RTTN: variants seen among roughly 807,000 people sequenced by gnomAD.
RTTN encodes rotatin.
A neutral mutation model predicts 269.2 loss-of-function variants in RTTN; 182 were observed. The observed-to-expected ratio is 0.68, with a 90% CI of 0.60 to 0.76. The LOEUF is 0.76. Ranked by LOEUF, RTTN falls within the 30% of genes least tolerant of loss-of-function variation. The pLI, the probability that RTTN is intolerant of heterozygous loss-of-function variation, is 0.00. For synonymous variants in RTTN, 1,006 were observed against 963.5 expected, an observed-to-expected ratio of 1.04 and a Z score of -0.82; for missense variants, 2,545 against 2,608.6, an observed-to-expected ratio of 0.98 and a Z score of 0.53.
intron 12 of RTTN, 43 bp from the exon 13 acceptor site, chr18:70,167,074 T>A (rs781243322): frequency 3.1e-6 from 4 of 1,280,714 alleles, no homozygotes; most frequent in South Asian, 1.2e-5. Flanking sequence ...CAAGTTCATG[T>A]GCAATGATAT....
At chr18:70,022,493 G>A (rs369731414) in intron 44 of RTTN, among the ~76,000 whole-genome samples, 5 of 151,958 alleles carry the variant, frequency 3.3e-5, no homozygotes, top group African/African-American at 9.7e-5. Context: ...CTTTAAAAAC[G>A]AGCAAAAACT....
intron 47 of RTTN, chr18:70,005,490 T>C: frequency 2.6e-6 from 1 of 379,024 alleles, no homozygotes; most frequent in Non-Finnish European, 4.7e-6. Flanking sequence ...TCTTTCTCTA[T>C]TCCCATTTTC....
rs115247587 is a variant in RTTN at position 70,028,345 on chromosome 18, C to A, written c.5823+379G>T. ...GCTCTAACTATCTTCTCCTTTGAAG[C>A]AGGAAACTCTTCATTTTCTTTCCTT... On this transcript the variant is annotated intron_variant, in intron 43 of 48. Coordinates refer to ENST00000640769, the MANE Select transcript of RTTN (RefSeq NM_173630.4). 5.0e-3 allele frequency among the ~76,000 whole-genome samples: 766 copies of A among 152,228 alleles called. 8 individuals carry two copies. The highest frequency in any genetic ancestry group is 0.017 in the African/African-American group (719 of 41,554).
chr18:70,096,944 TG>T (rs2059020314), intron 28 of RTTN, among the ~76,000 whole-genome samples: 1 of 152,322 alleles, frequency 6.6e-6, no homozygotes, highest in Admixed American at 6.5e-5. Flanking sequence ...AGTGACTACT[TG>T]AAAAATAAAA....
intron 27 of RTTN, 84 bp downstream of exon 27, chr18:70,114,361 G>T: frequency 8.3e-7 from 1 of 1,202,138 alleles, no homozygotes; most frequent in Non-Finnish European, 1.2e-6. Context: ...TAATTTGAAA[G>T]AAGTACAAAG....
chr18:70,045,077 A>G (rs2057455771), intron 40 of RTTN, among the ~76,000 whole-genome samples: 1 of 152,242 alleles, frequency 6.6e-6, no homozygotes, highest in African/African-American at 2.4e-5. Flanking sequence ...GAAAATGCTC[A>G]AAGTCTGAAA....
At chr18:70,020,488 T>C (rs1187736896) in intron 45 of RTTN, 127 bp downstream of exon 45, 2 of 960,530 alleles carry the variant, frequency 2.1e-6, no homozygotes, top group African/African-American at 1.6e-5. Context: ...CTTAACCCTT[T>C]TATAATCCTT....
intron 25 of RTTN, among the ~76,000 whole-genome samples, chr18:70,125,153 G>A (rs550361159): frequency 3.9e-5 from 6 of 152,074 alleles, no homozygotes; most frequent in Non-Finnish European, 5.9e-5. Flanking sequence ...CCACAGTACC[G>A]TAAGTAAAAA....
intron 25 of RTTN, among the ~76,000 whole-genome samples, chr18:70,121,928 A>G (rs2059748604): frequency 6.6e-6 from 1 of 152,198 alleles, no homozygotes; most frequent in African/African-American, 2.4e-5. Flanking sequence ...AATAACTAGA[A>G]GTGACAAATA....
chr18:70,095,998 GTTTTT>G (rs111933421), intron 28 of RTTN, among the ~76,000 whole-genome samples: 1 of 138,044 alleles, frequency 7.2e-6, no homozygotes, highest in Non-Finnish European at 1.6e-5. Context: ...ATTCCCTTTT[GTTTTT>G]TTTTTTTCTC....
At chr18:70,055,795 A>G (rs1704341076) in intron 37 of RTTN, among the ~76,000 whole-genome samples, 2 of 152,252 alleles carry the variant, frequency 1.3e-5, no homozygotes, top group Admixed American at 1.3e-4. Context: ...TCTTAAGAGT[A>G]GTTGATAAAG....
chr18:70,161,754 A>G (rs1213474723), intron 14 of RTTN, among the ~76,000 whole-genome samples: 2 of 152,244 alleles, frequency 1.3e-5, no homozygotes, highest in Non-Finnish European at 2.9e-5. Context: ...AATGCTCAAT[A>G]TCACTAATCA....
intron 26 of RTTN, among the ~76,000 whole-genome samples, chr18:70,115,110 AAC>A (rs1457262316): frequency 6.6e-6 from 1 of 152,080 alleles, no homozygotes; most frequent in African/African-American, 2.4e-5. Context: ...ACTAAGCTGC[AAC>A]ACACAGTGTA....
intron 28 of RTTN, among the ~76,000 whole-genome samples, chr18:70,106,177 T>C (rs1599575880): frequency 6.6e-6 from 1 of 152,112 alleles, no homozygotes; most frequent in East Asian, 1.9e-4. Flanking sequence ...GTGAGACCCA[T>C]CTCTACAAAA....
chr18:70,009,510 C>A (rs1244716659), intron 46 of RTTN, among the ~76,000 whole-genome samples: 1 of 152,106 alleles, frequency 6.6e-6, no homozygotes, highest in Non-Finnish European at 1.5e-5. Flanking sequence ...AAATAAAATC[C>A]TTTACAGAAA....
intron 32 of RTTN, among the ~76,000 whole-genome samples, chr18:70,082,295 G>A: frequency 6.6e-6 from 1 of 152,128 alleles, no homozygotes; most frequent in East Asian, 1.9e-4. Context: ...TACATAACAT[G>A]ATTATAACAA....
chr18:70,135,413 G>C, intron 21 of RTTN, 133 bp from the exon 22 acceptor site: 1 of 547,072 alleles, frequency 1.8e-6, no homozygotes. Context: ...TAAAACACAG[G>C]CTTTCATCTC....
intron 7 of RTTN, 106 bp from the exon 8 acceptor site, chr18:70,193,559 T>C (rs1244620469): frequency 1.6e-5 from 14 of 860,780 alleles, no homozygotes; most frequent in African/African-American, 5.4e-5. Flanking sequence ...ATTAAGATAG[T>C]AGGAATCCTT....
chr18:70,029,967 A>G (rs1313079389), intron 42 of RTTN, 45 bp downstream of exon 42: 2 of 1,370,674 alleles, frequency 1.5e-6, no homozygotes, highest in Non-Finnish European at 2.1e-6. Context: ...AGAGGACTGG[A>G]GAATGGTCTC....
Sources: gnomAD v4.1 joint callset for allele counts (sites outside exome capture counted in the v4.1 genomes callset) on GRCh38, gnomAD v4.1.1 for gene constraint, MANE v1.5 for transcripts, NCBI Gene and HGNC (gene_info 2026-07-23, HGNC 2026-07-21) for gene names.